PCBD2: variants seen among roughly 807,000 people sequenced by gnomAD.
PCBD2 encodes pterin-4 alpha-carbinolamine dehydratase 2, also known as pterin-4-alpha-carbinolamine dehydratase 2.
In PCBD2, 12 loss-of-function variants were observed where a neutral mutation model predicts 16.4. The ratio of observed to expected loss-of-function variants is 0.73; its 90% CI spans 0.47 to 1.19. The LOEUF (loss-of-function observed/expected upper bound fraction) is 1.19, where lower values mean the gene tolerates loss of function less well. PCBD2 is among the 50% of genes most tolerant of loss of function. The probability of loss-of-function intolerance (pLI) is 0.00; values close to 1 mark genes in which losing one functional copy is unlikely to be tolerated. For missense variants in PCBD2, 138 were observed against 156.8 expected (o/e 0.88, Z 0.64); for synonymous variants, 58 against 61.8 (o/e 0.94, Z 0.29).
chr5:134,916,017 G>T (rs1011394223), intron 2 of PCBD2, among the ~76,000 whole-genome samples: 3 of 152,188 alleles, frequency 2.0e-5, no homozygotes, highest in African/African-American at 7.2e-5. Flanking sequence ...GGCCAGGCAC[G>T]ATGGCTCACG....
intron 1 of PCBD2, among the ~76,000 whole-genome samples, chr5:134,909,994 C>T (rs555830270): frequency 3.1e-4 from 47 of 152,278 alleles, no homozygotes; most frequent in South Asian, 8.3e-4. Flanking sequence ...CATTTGAGCC[C>T]AGGAGGCGGA....
At chr5:134,921,553 A>T (rs182469579) in intron 2 of PCBD2, among the ~76,000 whole-genome samples, 1 of 152,192 alleles carries the variant, frequency 6.6e-6, no homozygotes, top group Admixed American at 6.5e-5. Context: ...CACAGAGTAC[A>T]GGGGGGTTCC....
chr5:134,915,045 G>A (rs1340389280), intron 2 of PCBD2, among the ~76,000 whole-genome samples: 1 of 152,098 alleles, frequency 6.6e-6, no homozygotes. Flanking sequence ...AGCCGGGCGC[G>A]GTGGCTCACA....
chr5:134,941,118 GAA>G (rs764468793), intron 2 of PCBD2, among the ~76,000 whole-genome samples: 43 of 80,226 alleles, frequency 5.4e-4, no homozygotes, highest in East Asian at 1.0e-3. Context: ...CCATCTCAAG[GAA>G]AAAAAAAAAA....
rs1162985399 is a variant in PCBD2 at position 134,960,719 on chromosome 5, T to C, written c.*38T>C. ...TACATGTAAAATCTTGTACACATCT[T>C]AGCTGCAATGTATGTTGAAGGAAAT... On this transcript the variant is annotated 3_prime_UTR_variant, in exon 4 of 4. Transcript: ENST00000254908. The C allele has an allele frequency of 6.8e-7, 1 of 1,461,780 alleles. No individual in the cohort carries two copies. Among genetic ancestry groups the C allele is most frequent in the Non-Finnish European group, 9.6e-7 (1 of 1,047,104 alleles). 90.6% of individuals were successfully genotyped at this position (1,461,780 alleles called of 1,614,324 possible).
chr5:134,943,476 A>ACTTTAACT (rs1751256639), intron 2 of PCBD2, among the ~76,000 whole-genome samples: 1 of 152,236 alleles, frequency 6.6e-6, no homozygotes, highest in South Asian at 2.1e-4. Flanking sequence ...TTTGTAATCT[A>ACTTTAACT]TTACTTTAAA....
intron 2 of PCBD2, among the ~76,000 whole-genome samples, chr5:134,940,910 A>G (rs1293409333): frequency 6.6e-6 from 1 of 152,116 alleles, no homozygotes; most frequent in African/African-American, 2.4e-5. Context: ...AAGGTGGATC[A>G]TGAGGTCGAG....
intron 2 of PCBD2, among the ~76,000 whole-genome samples, chr5:134,935,781 T>C (rs1056761754): frequency 6.6e-6 from 1 of 152,262 alleles, no homozygotes; most frequent in Non-Finnish European, 1.5e-5. Flanking sequence ...CATTAATAGT[T>C]GCAATTGGCT....
intron 2 of PCBD2, among the ~76,000 whole-genome samples, chr5:134,948,483 T>C (rs1751324266): frequency 6.6e-6 from 1 of 152,174 alleles, no homozygotes; most frequent in African/African-American, 2.4e-5. Context: ...TGGAGAATAG[T>C]GGATTTATAT....
intron 2 of PCBD2, among the ~76,000 whole-genome samples, chr5:134,933,248 G>C (rs1429954610): frequency 6.6e-6 from 1 of 151,788 alleles, no homozygotes; most frequent in Admixed American, 6.6e-5. Flanking sequence ...TTTTTGTTTT[G>C]TTTTTTGAGA....
intron 2 of PCBD2, among the ~76,000 whole-genome samples, chr5:134,950,556 G>A (rs1189850276): frequency 2.0e-5 from 3 of 152,138 alleles, no homozygotes; most frequent in Admixed American, 2.0e-4. Flanking sequence ...GGAATAAAAT[G>A]AAACAAAAGG....
intron 2 of PCBD2, among the ~76,000 whole-genome samples, chr5:134,937,184 T>C (rs1751170139): frequency 6.6e-6 from 1 of 152,238 alleles, no homozygotes; most frequent in African/African-American, 2.4e-5. Context: ...TTTCAGATTA[T>C]AATACATAAG....
intron 2 of PCBD2, among the ~76,000 whole-genome samples, chr5:134,918,461 C>T (rs569673992): frequency 9.0e-4 from 137 of 152,134 alleles, no homozygotes; most frequent in Middle Eastern, 3.4e-3. Flanking sequence ...GCAGAGATCA[C>T]GGCACTGCAC....
In PCBD2 at chr5:134,960,801, C is replaced by T. The variant is rs546454199; in HGVS notation, c.*120C>T. On this transcript the variant is annotated 3_prime_UTR_variant, in exon 4 of 4. Transcript: ENST00000254908. Reference sequence around the variant, plus strand: ...CTTTTTTTTAAGACAGAGTGTTGCTCTGTCGCCCAGGCCAGAGTGCAGTGG... The same window carrying T: ...CTTTTTTTTAAGACAGAGTGTTGCTTTGTCGCCCAGGCCAGAGTGCAGTGG... 4.1e-5 allele frequency: 34 copies of T among 837,724 alleles called. No homozygotes were observed. The highest frequency in any genetic ancestry group is 7.3e-4 in the Middle Eastern group (2 of 2,746). 51.9% of individuals were successfully genotyped at this position (837,724 alleles called of 1,614,324 possible).
At chr5:134,917,668 C>A (rs1438428581) in intron 2 of PCBD2, among the ~76,000 whole-genome samples, 2 of 152,222 alleles carry the variant, frequency 1.3e-5, no homozygotes, top group Non-Finnish European at 2.9e-5. Context: ...TCATCACCCT[C>A]ACCTTTTGGT....
At chr5:134,946,984 C>T (rs1751302924) in intron 2 of PCBD2, among the ~76,000 whole-genome samples, 2 of 151,952 alleles carry the variant, frequency 1.3e-5, no homozygotes, top group African/African-American at 2.4e-5. Flanking sequence ...CATATATAAA[C>T]TGGAATTATG....
chr5:134,912,860 G>A (rs1291625388), intron 2 of PCBD2, among the ~76,000 whole-genome samples: 2 of 152,222 alleles, frequency 1.3e-5, no homozygotes, highest in East Asian at 1.9e-4. Flanking sequence ...CGTGAGTAGA[G>A]TAGTGACCCT....
At chr5:134,923,528 G>A (rs1750933556) in intron 2 of PCBD2, 1 of 300,042 alleles carries the variant, frequency 3.3e-6, no homozygotes. Context: ...ACCGTGTGAG[G>A]GTGGGACTAT....
At chr5:134,910,027 A>G (rs1266762088) in intron 1 of PCBD2, among the ~76,000 whole-genome samples, 1 of 152,164 alleles carries the variant, frequency 6.6e-6, no homozygotes, top group Non-Finnish European at 1.5e-5. Flanking sequence ...CTGTGATTGC[A>G]CCACTACGCT....
Sources: gnomAD v4.1 joint callset for allele counts (sites outside exome capture counted in the v4.1 genomes callset) on GRCh38, gnomAD v4.1.1 for gene constraint, MANE v1.5 for transcripts, NCBI Gene and HGNC (gene_info 2026-07-23, HGNC 2026-07-21) for gene names.